The following AFF3 variants were observed in gnomAD, a reference collection of about 807,000 sequenced individuals.
AFF3 encodes AF4/FMR2 family member 3.
Under a neutral mutation model 129.7 loss-of-function variants are expected in AFF3, and 32 were observed. The observed-to-expected ratio is 0.25, with a 90% CI of 0.19 to 0.33. The LOEUF (loss-of-function observed/expected upper bound fraction) is 0.33. Ranked by LOEUF, AFF3 falls within the 10% of genes least tolerant of loss-of-function variation. The probability of loss-of-function intolerance (pLI) is 1.00; values close to 1 mark genes in which losing one functional copy is unlikely to be tolerated. For missense variants in AFF3, 1,373 were observed against 1,592.0 expected (o/e 0.86, Z 2.34); for synonymous variants, 644 against 635.4 (o/e 1.01, Z -0.20).
intron 11 of AFF3, among the ~76,000 whole-genome samples, chr2:99,687,176 A>G (rs957819580): frequency 1.3e-5 from 2 of 152,256 alleles, no homozygotes; most frequent in African/African-American, 4.8e-5. Context: ...GCAATTTCCT[A>G]TGTGGCCAAG....
intron 2 of AFF3, among the ~76,000 whole-genome samples, chr2:100,117,550 A>G (rs1691780874): frequency 6.6e-6 from 1 of 152,172 alleles, no homozygotes. Context: ...GGAGATTGTA[A>G]GCATAGTTAT....
At chr2:99,949,339 C>G (rs1294294504) in intron 7 of AFF3, among the ~76,000 whole-genome samples, 1 of 152,126 alleles carries the variant, frequency 6.6e-6, no homozygotes, top group African/African-American at 2.4e-5. Context: ...CCTAATGCAG[C>G]AGTCCCCAAT....
intron 7 of AFF3, among the ~76,000 whole-genome samples, chr2:99,885,916 A>G (rs546693886): frequency 6.6e-6 from 1 of 152,192 alleles, no homozygotes; most frequent in African/African-American, 2.4e-5. Context: ...ACATTAACCC[A>G]TAAGAGAGGC....
chr2:99,705,898 A>C (rs1193608118), intron 11 of AFF3, among the ~76,000 whole-genome samples: 1 of 150,998 alleles, frequency 6.6e-6, no homozygotes, highest in African/African-American at 2.4e-5. Context: ...AAAAAAAAAA[A>C]AACACGCCCT....
intron 2 of AFF3, among the ~76,000 whole-genome samples, chr2:100,110,539 G>A (rs1029926204): frequency 6.6e-6 from 1 of 152,210 alleles, no homozygotes; most frequent in Non-Finnish European, 1.5e-5. Flanking sequence ...AGCAATTATG[G>A]CTTACAGCCT....
Position 99,550,439 on chromosome 2 carries a change from CGAAGGATTCAGGCTCCTACT to C in AFF3, c.*1015_*1034del, listed in dbSNP as rs1340503425. On this transcript the variant is annotated 3_prime_UTR_variant, in exon 25 of 25. Coordinates refer to ENST00000672756, the MANE Select transcript of AFF3 (RefSeq NM_001386135.1). Reference sequence around the variant, plus strand: ...GGCAAATAGCTCTCAGCCTGGTAAGCGAAGGATTCAGGCTCCTACTGAAGGGACAATCTAGGTAATGGCCT... The same window carrying C: ...GGCAAATAGCTCTCAGCCTGGTAAGCGAAGGGACAATCTAGGTAATGGCCT... 1 of 230,396 alleles carries C rather than the reference CGAAGGATTCAGGCTCCTACT, an allele frequency of 4.3e-6. No homozygotes were observed. The highest frequency in any genetic ancestry group is 6.2e-5 in the East Asian group (1 of 16,212). The allele number at this position is 230,396 out of a possible 1,614,324, so 14.3% of individuals were successfully genotyped here. A position where few individuals can be genotyped will look rare whatever the true frequency, so the allele number is the denominator to read the frequency against.
intron 1 of AFF3, among the ~76,000 whole-genome samples, chr2:100,136,219 T>C (rs908635941): frequency 6.6e-6 from 1 of 152,162 alleles, no homozygotes; most frequent in Non-Finnish European, 1.5e-5. Flanking sequence ...TTGGGCATCG[T>C]TGGTGTTTCA....
chr2:99,713,854 A>T (rs180702580), intron 11 of AFF3, among the ~76,000 whole-genome samples: 1 of 151,806 alleles, frequency 6.6e-6, no homozygotes, highest in East Asian at 2.0e-4. Flanking sequence ...GCCCGCTACC[A>T]TGCCCGGCTA....
At chr2:99,602,681 T>C (rs913339984) in intron 13 of AFF3, among the ~76,000 whole-genome samples, 1 of 152,238 alleles carries the variant, frequency 6.6e-6, no homozygotes, top group Non-Finnish European at 1.5e-5. Context: ...CTTCCAACTG[T>C]GACCAGTGCT....
intron 11 of AFF3, among the ~76,000 whole-genome samples, chr2:99,705,348 G>A (rs1318579942): frequency 6.6e-6 from 1 of 151,962 alleles, no homozygotes; most frequent in African/African-American, 2.4e-5. Context: ...AGCCTGAGTA[G>A]GAAGAACAAT....
intron 7 of AFF3, among the ~76,000 whole-genome samples, chr2:99,955,387 C>T (rs1467026593): frequency 6.6e-6 from 1 of 152,122 alleles, no homozygotes; most frequent in Non-Finnish European, 1.5e-5. Context: ...TTCTGTGACG[C>T]TTTACTACTG....
chr2:99,629,163 A>G (rs1682892717), intron 13 of AFF3, among the ~76,000 whole-genome samples: 2 of 152,030 alleles, frequency 1.3e-5, no homozygotes, highest in Admixed American at 1.3e-4. Context: ...CGGGCCCTTT[A>G]TTTCTCTTGC....
intron 11 of AFF3, among the ~76,000 whole-genome samples, chr2:99,714,087 C>T (rs13427284): frequency 0.24 from 37,060 of 151,994 alleles, 4,692 homozygotes; most frequent in African/African-American, 0.3. Flanking sequence ...AAATGGGGTT[C>T]GCAGTCTTTT....
At chr2:99,832,912 T>G (rs1463342813) in intron 8 of AFF3, among the ~76,000 whole-genome samples, 1 of 152,172 alleles carries the variant, frequency 6.6e-6, no homozygotes, top group African/African-American at 2.4e-5. Flanking sequence ...TCTTTGCTCT[T>G]GGAAACAAAT....
At chr2:99,981,358 T>G (rs1182865228) in intron 7 of AFF3, among the ~76,000 whole-genome samples, 1 of 152,216 alleles carries the variant, frequency 6.6e-6, no homozygotes, top group African/African-American at 2.4e-5. Context: ...ATAGAGATTT[T>G]TTCCAATTCC....
At chr2:99,995,836 T>A (rs978970072) in intron 7 of AFF3, among the ~76,000 whole-genome samples, 1 of 152,224 alleles carries the variant, frequency 6.6e-6, no homozygotes, top group South Asian at 2.1e-4. Context: ...GAAAGATTGA[T>A]TTTCTTAATA....
At chr2:99,910,776 T>G (rs1695051438) in intron 7 of AFF3, among the ~76,000 whole-genome samples, 1 of 152,252 alleles carries the variant, frequency 6.6e-6, no homozygotes, top group Non-Finnish European at 1.5e-5. Flanking sequence ...CAAGTCACCT[T>G]ACATTCTTTT....
intron 11 of AFF3, among the ~76,000 whole-genome samples, chr2:99,690,427 C>T (rs911959002): frequency 1.3e-4 from 19 of 151,906 alleles, no homozygotes; most frequent in Non-Finnish European, 1.9e-4. Flanking sequence ...GTGATCCGCC[C>T]GCCTCGGCCT....
At chr2:99,840,075 A>G (rs1689207375) in intron 7 of AFF3, among the ~76,000 whole-genome samples, 1 of 152,204 alleles carries the variant, frequency 6.6e-6, no homozygotes, top group Non-Finnish European at 1.5e-5. Context: ...GAAGACTCTT[A>G]GCAGATATAT....
Sources: gnomAD v4.1 joint callset for allele counts (sites outside exome capture counted in the v4.1 genomes callset) on GRCh38, gnomAD v4.1.1 for gene constraint, MANE v1.5 for transcripts, NCBI Gene and HGNC (gene_info 2026-07-23, HGNC 2026-07-21) for gene names.